The following PPL variants were observed in gnomAD, a reference collection of about 807,000 sequenced individuals.
PPL encodes 190 kDa paraneoplastic pemphigus antigen.
Under a neutral mutation model 194.4 loss-of-function variants are expected in PPL, and 198 were observed. That is an observed-to-expected ratio of 1.02 (90% CI 0.91 to 1.15). The LOEUF is 1.15. PPL is among the 50% of genes most tolerant of loss of function. The pLI, the probability that PPL is intolerant of heterozygous loss-of-function variation, is 0.00. For synonymous variants in PPL, 1,220 were observed against 972.4 expected (o/e 1.25, Z -4.74); for missense variants, 2,885 against 2,294.8 (o/e 1.26, Z -5.25).
chr16:4,894,240 G>C (rs1014100636), intron 12 of PPL, among the ~76,000 whole-genome samples: 1 of 152,196 alleles, frequency 6.6e-6, no homozygotes, highest in African/African-American at 2.4e-5. Flanking sequence ...TTAGAAACTC[G>C]TGAGGGGGCC....
rs1273961992 is a variant in PPL at position 4,885,307 on chromosome 16, C to G, written c.3348G>C (p.Glu1116Asp). Residue 1116 changes from glutamate (E) to aspartate (D), a missense_variant, in exon 22 of 22, where the codon GAG becomes GAC. Transcript: ENST00000345988. The surrounding 1 kb of genome is among the most constrained non-coding windows in gnomAD (Gnocchi z 6.3). ...CCGCGTCCTTCTCCACCTTGAGCAC[C>G]TCCTTGACGGTGATCTTGCCCTCGG... is the stretch of plus-strand genomic sequence containing the variant. ...AMAEGKITVK[E>D]VLKVEKDAAT... 2.5e-6 allele frequency: 4 copies of G among 1,612,446 alleles called. No homozygotes were observed. In the Admixed American group the frequency reaches 6.7e-5, roughly 27 times the overall value.
In PPL at chr16:4,910,936, C is replaced by T; in HGVS notation, c.76G>A (p.Glu26Lys). The T allele has an allele frequency of 6.2e-7, 1 of 1,612,872 alleles. No individual in the cohort carries two copies. The highest frequency in any genetic ancestry group is 8.5e-7 in the Non-Finnish European group (1 of 1,179,966). Residue 26 changes from glutamate (E) to lysine (K), a missense_variant, in exon 2 of 22, where the codon GAG becomes AAG. Physicochemically the swap from Glu to Lys is moderately conservative, Grantham distance 56. Coordinates refer to ENST00000345988, the MANE Select transcript of PPL (RefSeq NM_002705.5). ...TVQTRSISNK[E>K]LSELIEQLQK... ...AGCTGCTCGATCAGCTCCGAGAGCT[C>T]CTTGTTAGAGATGCTGCGGGCAGAA...
chr16:4,895,142 G>A (rs2088398488), intron 11 of PPL, 119 bp downstream of exon 11: 2 of 1,279,878 alleles, frequency 1.6e-6, no homozygotes, highest in Admixed American at 5.9e-5. Context: ...GGTTGGCAGA[G>A]TGACACCAAC....
In PPL at chr16:4,905,506, G is replaced by C. The variant is rs189421570; in HGVS notation, c.163-1466C>G. ...CACGGGATGAAAATATTCTGAAACT[G>C]ATTCATGGGCGTGGTTCTGCCCCTT... On this transcript the variant is annotated intron_variant, in intron 2 of 21. Transcript: ENST00000345988. 2.6e-3 allele frequency among the ~76,000 whole-genome samples: 391 copies of C among 152,336 alleles called. 7 individuals carry two copies. The highest frequency in any genetic ancestry group is 0.019 in the Admixed American group (298 of 15,298).
At chr16:4,889,241 G>GTTGTTTTTTTTTTTTTT (rs2088274147) in intron 18 of PPL, among the ~76,000 whole-genome samples, 180 bp from the exon 19 acceptor site, 1 of 66,636 alleles carries the variant, frequency 1.5e-5, no homozygotes, top group Non-Finnish European at 2.5e-5. Flanking sequence ...TGTTGTTGTT[G>GTTGTTTTTTTTTTTTTT]TTTTTTTTTT....
intron 1 of PPL, among the ~76,000 whole-genome samples, chr16:4,926,670 T>C (rs1019085942): frequency 7.2e-5 from 11 of 151,942 alleles, no homozygotes; most frequent in Non-Finnish European, 1.2e-4. Flanking sequence ...GGTCAGGAGA[T>C]TGAGACCATC....
Position 4,885,730 on chromosome 16 carries a change from C to T in PPL, c.2925G>A (p.Gln975=). ...QLLQEELEAL[Q]LQLRALEQET... Reference sequence around the variant, plus strand: ...CCTGCTCCAGGGCACGCAGCTGCAGCTGCAGTGCCTCCAGCTCCTCCTGCA... The same window carrying T: ...CCTGCTCCAGGGCACGCAGCTGCAGTTGCAGTGCCTCCAGCTCCTCCTGCA... The change falls in exon 22 of 22, where the codon CAG becomes CAA. Residue 975 remains glutamine, a synonymous_variant. Transcript: ENST00000345988. The surrounding 1 kb of genome is among the most constrained non-coding windows in gnomAD (Gnocchi z 6.3). The T allele has an allele frequency of 6.2e-7, 1 of 1,613,266 alleles. No individual in the cohort carries two copies. The highest frequency in any genetic ancestry group is 8.5e-7 in the Non-Finnish European group (1 of 1,179,988).
At chr16:4,891,749 G>A (rs7197275) in intron 16 of PPL, 62 bp downstream of exon 16, 1 of 1,533,098 alleles carries the variant, frequency 6.5e-7, no homozygotes, top group African/African-American at 1.4e-5. Context: ...CGGGCGGGTG[G>A]ATGTGCCAGA....
chr16:4,908,640 C>T (rs570302311), intron 2 of PPL, among the ~76,000 whole-genome samples: 23 of 152,138 alleles, frequency 1.5e-4, no homozygotes, highest in African/African-American at 3.9e-4. Flanking sequence ...CGGGCTTAAG[C>T]GAGCCTCCCA....
In PPL at chr16:4,891,739, C is replaced by T. The variant is rs199541613; in HGVS notation, c.1968+72G>A. The T allele has an allele frequency of 3.8e-5, 58 of 1,520,590 alleles. 1 individual carries two copies. The highest frequency in any genetic ancestry group is 1.8e-4 in the Middle Eastern group (1 of 5,626). 94.2% of individuals were successfully genotyped at this position (1,520,590 alleles called of 1,614,324 possible). On this transcript the variant is annotated intron_variant, in intron 16 of 21. Transcript: ENST00000345988. Reference sequence around the variant, plus strand: ...ATGCTGGTGTCCTCATCTATCCAGACGGGCGGGTGGATGTGCCAGATGCTC... The same window carrying T: ...ATGCTGGTGTCCTCATCTATCCAGATGGGCGGGTGGATGTGCCAGATGCTC...
At position 4,884,061 on chromosome 16, in the gene PPL, C is replaced by T. The variant is rs537543670; in HGVS notation, c.4594G>A (p.Glu1532Lys). 2.6e-5 allele frequency: 42 copies of T among 1,613,316 alleles called. No individual in the cohort carries two copies. The highest frequency in any genetic ancestry group is 1.7e-4 in the Admixed American group (10 of 59,986). Reference sequence around the variant, plus strand: ...AGCCGGCTCACCTCGACGTCCAGCTCGCGCTTGCTGCGGCTCTCCTCCTCC... The same window carrying T: ...AGCCGGCTCACCTCGACGTCCAGCTTGCGCTTGCTGCGGCTCTCCTCCTCC... Reference protein sequence around the residue: ...SLEEESRSKRELDVEVSRLEA... With the variant: ...SLEEESRSKRKLDVEVSRLEA... The change falls in exon 22 of 22, where the codon GAG (glutamate) becomes AAG (lysine). Residue 1532 changes from glutamate (E) to lysine (K), a missense_variant. Glu to Lys is a moderately conservative substitution (Grantham distance 56, BLOSUM62 1). Transcript: ENST00000345988. The surrounding 1 kb of genome is among the most constrained non-coding windows in gnomAD (Gnocchi z 5.7).
intron 2 of PPL, among the ~76,000 whole-genome samples, chr16:4,905,103 A>G (rs1241730449): frequency 6.6e-6 from 1 of 152,136 alleles, no homozygotes; most frequent in Non-Finnish European, 1.5e-5. Context: ...AGGCAGTGAC[A>G]TGTCACTGAG....
At chr16:4,935,227 C>A (rs1239897734) in intron 1 of PPL, among the ~76,000 whole-genome samples, 1 of 152,200 alleles carries the variant, frequency 6.6e-6, no homozygotes, top group Non-Finnish European at 1.5e-5. Flanking sequence ...GCACCCCTCC[C>A]AGCTTGTCTG....
chr16:4,930,644 CCAAGGAGAAGGG>C (rs968525364), intron 1 of PPL, among the ~76,000 whole-genome samples: 29 of 152,084 alleles, frequency 1.9e-4, no homozygotes, highest in Non-Finnish European at 2.2e-4. Flanking sequence ...ATAAGAGCTA[CCAAGGAGAAGGG>C]GAGTCCATAG....
intron 1 of PPL, among the ~76,000 whole-genome samples, chr16:4,920,376 C>A (rs1228002630): frequency 3.7e-5 from 2 of 53,474 alleles, no homozygotes; most frequent in African/African-American, 8.6e-5. Context: ...AGAAAGGACA[C>A]CTCGGTCAAA....
intron 1 of PPL, among the ~76,000 whole-genome samples, chr16:4,933,939 C>A (rs542418513): frequency 3.9e-5 from 6 of 152,232 alleles, no homozygotes; most frequent in Non-Finnish European, 8.8e-5. Flanking sequence ...GGCCGCTTAT[C>A]ATTCACAACC....
In PPL at chr16:4,883,387, C is replaced by A; in HGVS notation, c.5268G>T (p.Lys1756Asn). 2 of 1,614,016 alleles carry A rather than the reference C, an allele frequency of 1.2e-6. No homozygotes were observed. Among genetic ancestry groups the A allele is most frequent in the Non-Finnish European group, 1.7e-6 (2 of 1,180,030 alleles). Residue 1756 changes from lysine (K) to asparagine (N), a missense_variant, in exon 22 of 22, where the codon AAG becomes AAT. By Grantham distance (94) the Lys-to-Asn change is moderately conservative. Coordinates refer to ENST00000345988, the MANE Select transcript of PPL (RefSeq NM_002705.5). The surrounding 1 kb of genome is among the most constrained non-coding windows in gnomAD (Gnocchi z 4.8). ...CGAAGAGTTGCAAGAGCTGTGCCTA[C>A]TTCTGCCCAGATACCAAGACCGCCA... is the stretch of plus-strand genomic sequence containing the variant. ...QELAVLVSGQK is the reference protein window; with the variant it reads ...QELAVLVSGQN
rs1555519425 is a variant in PPL at position 4,891,189 on chromosome 16, T to TCTGGTCATGAGGCTGTGGC, written c.1969-287_1969-269dup. On this transcript the variant is annotated intron_variant, in intron 16 of 21. Transcript: ENST00000345988. ...CCTGCGCGAGAACAGCCTGCCACTG[T>TCTGGTCATGAGGCTGTGGC]CTGGTCATGAGGCTGTGGCAAAAGC... Among the ~76,000 whole-genome samples, 16 of 152,328 alleles carry TCTGGTCATGAGGCTGTGGC rather than the reference T, an allele frequency of 1.1e-4. No individual in the cohort carries two copies. In the South Asian group the frequency reaches 2.9e-3, roughly 28 times the overall value.
At chr16:4,888,708 C>T (rs1313691539) in intron 19 of PPL, 4 of 447,272 alleles carry the variant, frequency 8.9e-6, no homozygotes, top group Admixed American at 4.0e-5. Context: ...GTTGTTTATC[C>T]TGCATTTTTT....
Sources: gnomAD v4.1 joint callset for allele counts (sites outside exome capture counted in the v4.1 genomes callset) on GRCh38, gnomAD v4.1.1 for gene constraint, Gnocchi (gnomAD v3.1) non-coding constraint, MANE v1.5 for transcripts, NCBI Gene and HGNC (gene_info 2026-07-23, HGNC 2026-07-21) for gene names.